Variants in MNAT1 observed in about 807,000 individuals in gnomAD.
The protein encoded by MNAT1 is CDK-activating kinase assembly factor MAT1.
Under a neutral mutation model 42.0 loss-of-function variants are expected in MNAT1, and 43 were observed. That is an observed-to-expected ratio of 1.02 (90% CI 0.80 to 1.32). The LOEUF is 1.32. Among genes scored for constraint, MNAT1 ranks in the 40% most tolerant of loss-of-function variants. The pLI is 0.00. For missense variants in MNAT1, 306 were observed against 350.4 expected (o/e 0.87, Z 1.01); for synonymous variants, 118 against 120.0 (o/e 0.98, Z 0.11).
intron 3 of MNAT1, among the ~76,000 whole-genome samples, chr14:60,805,195 T>G (rs2032329157): frequency 6.8e-6 from 1 of 147,996 alleles, no homozygotes; most frequent in Non-Finnish European, 1.5e-5. Context: ...TCTTGAGCCC[T>G]TACCAGATGA....
At chr14:60,869,057 T>TTTTA (rs2034271628) in intron 6 of MNAT1, among the ~76,000 whole-genome samples, 1 of 143,624 alleles carries the variant, frequency 7.0e-6, no homozygotes, top group African/African-American at 2.5e-5. Context: ...TTTTTTTTTT[T>TTTTA]GAGACGGAGT....
rs747043058 is a variant in MNAT1, at chr14:60,830,096, A to C, written c.687+11249A>C. Among the ~76,000 whole-genome samples, 9 of 152,218 alleles carry C rather than the reference A, an allele frequency of 5.9e-5. No individual in the cohort carries two copies. In the East Asian group the frequency reaches 1.5e-3, roughly 26 times the overall value. On this transcript the variant is annotated intron_variant, in intron 6 of 7. Coordinates refer to ENST00000261245, the MANE Select transcript of MNAT1 (RefSeq NM_002431.4). The stretch of plus-strand genomic sequence containing the variant: ...AGGGTTGATAGTGGTATTCTCATTT[A>C]TGAGGAGTGGAGTATGGAAGACTTA...
chr14:60,895,788 CAAAAG>C (rs1447282437), intron 7 of MNAT1, among the ~76,000 whole-genome samples: 1 of 152,094 alleles, frequency 6.6e-6, no homozygotes, highest in Non-Finnish European at 1.5e-5. Context: ...CAAAACAAAA[CAAAAG>C]AAATCATCTC....
intron 1 of MNAT1, among the ~76,000 whole-genome samples, chr14:60,781,650 T>A (rs1159294253): frequency 6.6e-6 from 1 of 152,068 alleles, no homozygotes; most frequent in African/African-American, 2.4e-5. Flanking sequence ...ATGGTTTAAA[T>A]TTTTTTAGTT....
At chr14:60,943,039 TGTGTGTGTGTGC>T (rs1344037997) in intron 7 of MNAT1, among the ~76,000 whole-genome samples, 1 of 120,416 alleles carries the variant, frequency 8.3e-6, no homozygotes, top group Non-Finnish European at 1.6e-5. Context: ...TGTGTGTGTG[TGTGTGTGTGTGC>T]GCTTTTTTTT....
intron 1 of MNAT1, among the ~76,000 whole-genome samples, chr14:60,762,370 A>C (rs2030636867): frequency 6.6e-6 from 1 of 152,070 alleles, no homozygotes; most frequent in Non-Finnish European, 1.5e-5. Flanking sequence ...CAGGAGAGTG[A>C]ATGATGGGAA....
At chr14:60,895,776 A>T (rs1339929670) in intron 7 of MNAT1, among the ~76,000 whole-genome samples, 1 of 152,146 alleles carries the variant, frequency 6.6e-6, no homozygotes. Context: ...AACAAAACAA[A>T]ACAAAACAAA....
At chr14:60,942,850 A>G (rs1364617212) in intron 7 of MNAT1, among the ~76,000 whole-genome samples, 7 of 152,172 alleles carry the variant, frequency 4.6e-5, no homozygotes, top group Non-Finnish European at 7.3e-5. Flanking sequence ...CTGCAAAATC[A>G]AGTTTAACCT....
At position 60,869,040 on chromosome 14, in the gene MNAT1, A is replaced by ATATATATATATATATATATTT. The variant is rs1465360826; in HGVS notation, c.688-10673_688-10672insATATATATATATATATATTTT. Among the ~76,000 whole-genome samples the ATATATATATATATATATATTT allele has an allele frequency of 3.4e-3, 388 of 112,896 alleles. 3 individuals are homozygous for ATATATATATATATATATATTT. Among genetic ancestry groups the ATATATATATATATATATATTT allele is most frequent in the Non-Finnish European group, 5.0e-3 (274 of 54,640 alleles). 74.1% of individuals were successfully genotyped at this position (112,896 alleles called of 152,430 possible). A position where few individuals can be genotyped will look rare whatever the true frequency, so the allele number is the denominator to read the frequency against. On this transcript the variant is annotated intron_variant, in intron 6 of 7. Transcript: ENST00000261245. ...ATTTTATACATATATATATATATAT[A>ATATATATATATATATATATTT]TTTTTTTTTTTTTTTTTGAGACGGA...
intron 7 of MNAT1, among the ~76,000 whole-genome samples, chr14:60,966,392 T>C (rs538185414): frequency 5.4e-4 from 83 of 152,302 alleles, no homozygotes; most frequent in Middle Eastern, 3.4e-3. Flanking sequence ...AGTGCTGGGC[T>C]CACAGGTGTG....
At chr14:60,835,559 C>A (rs1301305291) in intron 6 of MNAT1, among the ~76,000 whole-genome samples, 1 of 152,116 alleles carries the variant, frequency 6.6e-6, no homozygotes, top group Non-Finnish European at 1.5e-5. Context: ...AAGAATGTTG[C>A]ATATTGGCCC....
At chr14:60,925,160 G>A (rs966444287) in intron 7 of MNAT1, among the ~76,000 whole-genome samples, 10 of 152,086 alleles carry the variant, frequency 6.6e-5, no homozygotes, top group Non-Finnish European at 1.2e-4. Context: ...AACAATACAC[G>A]ACAACACCTA....
chr14:60,875,159 A>G (rs1269667827), intron 6 of MNAT1, among the ~76,000 whole-genome samples: 2 of 152,122 alleles, frequency 1.3e-5, no homozygotes, highest in African/African-American at 4.8e-5. Context: ...ATGGTATTTT[A>G]TGTACCTGAG....
chr14:60,896,942 TA>T (rs2034970563), intron 7 of MNAT1, among the ~76,000 whole-genome samples: 1 of 152,140 alleles, frequency 6.6e-6, no homozygotes, highest in African/African-American at 2.4e-5. Flanking sequence ...CTCCAGCAGA[TA>T]AAGATAATGT....
chr14:60,870,384 CT>C (rs1187785035), intron 6 of MNAT1, among the ~76,000 whole-genome samples: 1 of 152,080 alleles, frequency 6.6e-6, no homozygotes, highest in East Asian at 1.9e-4. Flanking sequence ...GTTCTTCTCA[CT>C]ACATTTTTAC....
At chr14:60,946,901 G>A (rs1050174273) in intron 7 of MNAT1, among the ~76,000 whole-genome samples, 9 of 152,166 alleles carry the variant, frequency 5.9e-5, no homozygotes, top group Non-Finnish European at 1.3e-4. Context: ...CTGGAGGCTG[G>A]GAAGTCCTGG....
chr14:60,830,415 A>G (rs2033180851), intron 6 of MNAT1, among the ~76,000 whole-genome samples: 2 of 152,138 alleles, frequency 1.3e-5, no homozygotes, highest in African/African-American at 4.8e-5. Flanking sequence ...AAGTTAAGGG[A>G]CACTAAAATT....
At chr14:60,945,501 G>T (rs2036253669) in intron 7 of MNAT1, among the ~76,000 whole-genome samples, 1 of 152,014 alleles carries the variant, frequency 6.6e-6, no homozygotes, top group Non-Finnish European at 1.5e-5. Context: ...ATAAATCTTT[G>T]GTCATTTTTC....
intron 7 of MNAT1, among the ~76,000 whole-genome samples, chr14:60,943,595 G>A (rs1039354153): frequency 7.5e-6 from 1 of 133,274 alleles, no homozygotes; most frequent in African/African-American, 2.7e-5. Context: ...GGAGTGGGGA[G>A]AGGTGGAAGG....
Sources: allele counts gnomAD v4.1 joint callset (sites outside exome capture counted in the v4.1 genomes callset), GRCh38; gene constraint gnomAD v4.1.1; transcripts MANE v1.5; gene names NCBI Gene and HGNC (gene_info 2026-07-23, HGNC 2026-07-21).